Variants in AKAP13 observed in about 807,000 individuals in gnomAD.
AKAP13 encodes A-kinase anchor protein 13.
In AKAP13, 80 loss-of-function variants were observed where a neutral mutation model predicts 264.5. That is an observed-to-expected ratio of 0.30 (90% confidence interval 0.25 to 0.36). The LOEUF is 0.36. AKAP13 is among the 10% of genes least tolerant of loss of function. The pLI is 1.00. For synonymous variants in AKAP13, 1,380 were observed against 1,250.2 expected, an observed-to-expected ratio of 1.10 and a Z score of -2.19; for missense variants, 3,712 against 3,435.2, an observed-to-expected ratio of 1.08 and a Z score of -2.01.
chr15:85,468,195 G>C (rs1323875381), intron 1 of AKAP13, among the ~76,000 whole-genome samples: 6 of 152,184 alleles, frequency 3.9e-5, no homozygotes, highest in Admixed American at 3.9e-4. Flanking sequence ...AAATTGGGAA[G>C]CCTGTCTGTT....
intron 1 of AKAP13, among the ~76,000 whole-genome samples, chr15:85,416,956 ATATAT>A (rs2072268348): frequency 6.6e-6 from 1 of 152,196 alleles, no homozygotes; most frequent in Admixed American, 6.5e-5. Context: ...GTGGAGTTTG[ATATAT>A]TAGAGTAATA....
chr15:85,605,108 ACAGT>A (rs775016934), intron 8 of AKAP13, among the ~76,000 whole-genome samples: 247 of 115,824 alleles, frequency 2.1e-3, no homozygotes, highest in Non-Finnish European at 3.9e-3. Context: ...ACTATTCCCG[ACAGT>A]CAGCGCTTTG....
At chr15:85,430,226 G>T (rs966406506) in intron 1 of AKAP13, among the ~76,000 whole-genome samples, 1 of 152,186 alleles carries the variant, frequency 6.6e-6, no homozygotes, top group Non-Finnish European at 1.5e-5. Flanking sequence ...GGGCACCATT[G>T]TTTACTATAA....
At chr15:85,442,481 A>ATAAT (rs1491549851) in intron 1 of AKAP13, among the ~76,000 whole-genome samples, 2 of 117,108 alleles carry the variant, frequency 1.7e-5, no homozygotes, top group African/African-American at 6.9e-5. Context: ...TATATTATAT[A>ATAAT]ATATATATAA....
At chr15:85,391,681 T>C (rs1243857148) in intron 1 of AKAP13, among the ~76,000 whole-genome samples, 3 of 152,010 alleles carry the variant, frequency 2.0e-5, no homozygotes, top group African/African-American at 7.3e-5. Context: ...GGTGGTGTTT[T>C]GCCAGGTTGT....
At chr15:85,507,009 A>G (rs2076245693) in intron 2 of AKAP13, among the ~76,000 whole-genome samples, 1 of 123,060 alleles carries the variant, frequency 8.1e-6, no homozygotes, top group East Asian at 2.0e-4. Context: ...TTTGAAATTC[A>G]TAAATTTTAC....
chr15:85,504,613 G>A (rs1433865797), intron 2 of AKAP13, among the ~76,000 whole-genome samples: 2 of 145,324 alleles, frequency 1.4e-5, no homozygotes, highest in East Asian at 4.1e-4. Context: ...GGTTGCTCAA[G>A]CCTGGAAGAT....
At chr15:85,731,779 G>A (rs1052112604) in intron 30 of AKAP13, among the ~76,000 whole-genome samples, 1 of 152,026 alleles carries the variant, frequency 6.6e-6, no homozygotes, top group Non-Finnish European at 1.5e-5. Flanking sequence ...ATGGACTCAT[G>A]AATTGAAACA....
chr15:85,439,983 T>A lies in AKAP13; in HGVS notation c.-11-45727T>A, dbSNP rs913222411. Among the ~76,000 whole-genome samples, 24 of 151,064 alleles carry A rather than the reference T, an allele frequency of 1.6e-4. No individual in the cohort carries two copies. The Middle Eastern group carries it at 0.017, about 107-fold the overall frequency. ...CTTAAAGTATAATAAAAAATAATAA[T>A]AATAATAATAATAAATAAAAACCAG... On this transcript the variant is annotated intron_variant, in intron 1 of 36. Coordinates refer to ENST00000394518, the MANE Select transcript of AKAP13 (RefSeq NM_007200.5).
chr15:85,575,896 A>G (rs1477800102), intron 6 of AKAP13, among the ~76,000 whole-genome samples: 2 of 152,172 alleles, frequency 1.3e-5, no homozygotes, highest in Non-Finnish European at 2.9e-5. Flanking sequence ...TGAGGCAGGC[A>G]GATCATGTGA....
At chr15:85,596,972 G>T (rs1240456091) in intron 8 of AKAP13, among the ~76,000 whole-genome samples, 2 of 152,134 alleles carry the variant, frequency 1.3e-5, no homozygotes, top group Non-Finnish European at 2.9e-5. Flanking sequence ...TAAAAATTAT[G>T]AATTATTTTA....
intron 1 of AKAP13, among the ~76,000 whole-genome samples, chr15:85,398,968 T>G (rs1363445450): frequency 2.0e-5 from 3 of 152,190 alleles, no homozygotes; most frequent in Non-Finnish European, 4.4e-5. Context: ...GCCTCTTTCC[T>G]CTATGCTATT....
At chr15:85,527,944 T>C (rs562591286) in intron 3 of AKAP13, among the ~76,000 whole-genome samples, 5 of 152,262 alleles carry the variant, frequency 3.3e-5, no homozygotes, top group East Asian at 1.9e-4. Context: ...AGGTGACATC[T>C]GTGTGGGACT....
chr15:85,579,441 A>C lies in AKAP13; in HGVS notation c.1373A>C (p.Gln458Pro), dbSNP rs1336969972. 1 of 1,614,226 alleles carries C rather than the reference A, an allele frequency of 6.2e-7. No individual in the cohort carries two copies. The highest frequency in any genetic ancestry group is 1.1e-5 in the South Asian group (1 of 91,092). The change falls in exon 7 of 37, where the codon CAG (glutamine) becomes CCG (proline). Residue 458 changes from glutamine to proline, a missense_variant. Physicochemically the swap from Gln to Pro is moderately conservative, Grantham distance 76 (BLOSUM62 -1). This residue lies in a region of AKAP13 where 2,759 missense variants were observed against 2,411.7 expected (regional missense o/e 1.14). Transcript: ENST00000394518. ...RDLVMEPGTA[Q>P]YSSGGELGGI... ...TTGGTCATGGAGCCAGGCACAGCCC[A>C]GTATTCCTCTGGAGGTGAACTGGGA...
At chr15:85,473,139 CTG>C in intron 1 of AKAP13, among the ~76,000 whole-genome samples, 1 of 152,218 alleles carries the variant, frequency 6.6e-6, no homozygotes, top group South Asian at 2.1e-4. Context: ...TCCCTGAAAA[CTG>C]TTACAGTCAA....
At chr15:85,397,690 T>C (rs940669606) in intron 1 of AKAP13, among the ~76,000 whole-genome samples, 2 of 152,170 alleles carry the variant, frequency 1.3e-5, no homozygotes, top group African/African-American at 4.8e-5. Flanking sequence ...AAATTGAAGC[T>C]CAGAGAAATT....
intron 1 of AKAP13, among the ~76,000 whole-genome samples, chr15:85,390,851 A>G (rs1295509047): frequency 1.3e-5 from 2 of 152,222 alleles, no homozygotes; most frequent in Non-Finnish European, 2.9e-5. Flanking sequence ...AATGGGGAAG[A>G]TGTGGAATCA....
chr15:85,728,120 C>A (rs528813520), intron 29 of AKAP13, among the ~76,000 whole-genome samples: 2 of 152,262 alleles, frequency 1.3e-5, no homozygotes, highest in African/African-American at 4.8e-5. Flanking sequence ...CCTGTCTTAG[C>A]AAAGCCTGGT....
chr15:85,714,739 C>T (rs564367731), intron 19 of AKAP13, among the ~76,000 whole-genome samples: 3 of 152,244 alleles, frequency 2.0e-5, no homozygotes, highest in South Asian at 2.1e-4. Context: ...GAGGCCGAGG[C>T]GGGCAGATCA....
Sources: allele counts gnomAD v4.1 joint callset (sites outside exome capture counted in the v4.1 genomes callset), GRCh38; gene constraint gnomAD v4.1.1; regional missense constraint gnomAD v4.1.1; transcripts MANE v1.5; gene names NCBI Gene and HGNC (gene_info 2026-07-23, HGNC 2026-07-21).